The following SEL1L2 variants were observed in gnomAD, a reference collection of about 807,000 sequenced individuals.
The protein encoded by SEL1L2 is SEL1L2 adaptor subunit of SYVN1 ubiquitin ligase.
A neutral mutation model predicts 98.8 loss-of-function variants in SEL1L2; 89 were observed. That is an observed-to-expected ratio of 0.90 (90% CI 0.76 to 1.07). The LOEUF is 1.07. SEL1L2 is among the 50% of genes least tolerant of loss of function. The pLI is 0.00. For synonymous variants in SEL1L2, 262 were observed against 278.5 expected (o/e 0.94, Z 0.59); for missense variants, 788 against 812.0 (o/e 0.97, Z 0.36).
intron 3 of SEL1L2, among the ~76,000 whole-genome samples, chr20:13,925,092 T>C (rs1405581176): frequency 1.3e-5 from 2 of 152,054 alleles, no homozygotes; most frequent in Non-Finnish European, 2.9e-5. Context: ...TGAGCAGAGA[T>C]TGCACCACTG....
chr20:13,985,312 T>C (rs976569732), intron 1 of SEL1L2, among the ~76,000 whole-genome samples: 2 of 152,204 alleles, frequency 1.3e-5, no homozygotes, highest in Non-Finnish European at 1.5e-5. Context: ...CACAGCAAAC[T>C]GATACACTTA....
chr20:13,927,751 G>A (rs541404844), intron 3 of SEL1L2, among the ~76,000 whole-genome samples: 1 of 152,286 alleles, frequency 6.6e-6, no homozygotes, highest in South Asian at 2.1e-4. Flanking sequence ...TGAGAATAGA[G>A]TTCAATAAGG....
intron 5 of SEL1L2, among the ~76,000 whole-genome samples, chr20:13,903,861 C>T (rs1022728902): frequency 1.3e-5 from 2 of 152,108 alleles, no homozygotes; most frequent in Admixed American, 6.5e-5. Flanking sequence ...AGGAGAATCC[C>T]GTCGAGTATT....
rs550585234 is a variant in SEL1L2, at chr20:13,879,456, A to T, written c.958-1868T>A. 2.6e-5 allele frequency among the ~76,000 whole-genome samples: 4 copies of T among 152,110 alleles called. No individual in the cohort carries two copies. The East Asian group carries it at 7.7e-4, about 29-fold the overall frequency. ...AACCTCCACCTCCTGGGTTCAAGCG[A>T]TTCTCCTGCCTCGGCTTCCTGAGTA... On this transcript the variant is annotated intron_variant, in intron 10 of 19. Coordinates refer to ENST00000284951, the MANE Select transcript of SEL1L2 (RefSeq NM_025229.2).
At chr20:13,978,481 C>T (rs1048519130) in intron 1 of SEL1L2, among the ~76,000 whole-genome samples, 1 of 152,088 alleles carries the variant, frequency 6.6e-6, no homozygotes, top group African/African-American at 2.4e-5. Flanking sequence ...TAAATTGGTA[C>T]AGCCATTATG....
chr20:13,957,801 C>CG (rs1329942289), intron 1 of SEL1L2, among the ~76,000 whole-genome samples: 5 of 151,990 alleles, frequency 3.3e-5, no homozygotes, highest in Non-Finnish European at 2.9e-5. Flanking sequence ...TCATTGAGCC[C>CG]GGGAAATCAA....
At chr20:13,983,116 C>T (rs758389996) in intron 1 of SEL1L2, among the ~76,000 whole-genome samples, 7 of 147,508 alleles carry the variant, frequency 4.7e-5, no homozygotes, top group Middle Eastern at 3.5e-3. Context: ...ATTAGTTTTC[C>T]TTCCATTTTT....
chr20:13,896,129 C>G (rs577602724), intron 5 of SEL1L2, among the ~76,000 whole-genome samples: 1 of 152,098 alleles, frequency 6.6e-6, no homozygotes, highest in Non-Finnish European at 1.5e-5. Flanking sequence ...AAGCTGAGAT[C>G]GTGCCACGGC....
At chr20:13,972,869 G>T (rs193116028) in intron 1 of SEL1L2, among the ~76,000 whole-genome samples, 1 of 152,046 alleles carries the variant, frequency 6.6e-6, no homozygotes, top group African/African-American at 2.4e-5. Flanking sequence ...TTCTATGAGC[G>T]GGTCTTTTCC....
chr20:13,881,837 G>A (rs1232642463), intron 10 of SEL1L2, among the ~76,000 whole-genome samples: 1 of 152,166 alleles, frequency 6.6e-6, no homozygotes, highest in African/African-American at 2.4e-5. Flanking sequence ...ATATTAGCAT[G>A]CTGGCTCAAG....
At chr20:13,909,378 C>G (rs1249668924) in intron 5 of SEL1L2, among the ~76,000 whole-genome samples, 1 of 152,186 alleles carries the variant, frequency 6.6e-6, no homozygotes. Flanking sequence ...GTTCTTTGCA[C>G]AAGGAAATAC....
intron 11 of SEL1L2, among the ~76,000 whole-genome samples, chr20:13,876,406 CTTTTTTTTTT>C (rs11087067): frequency 1.9e-4 from 19 of 101,930 alleles, no homozygotes; most frequent in East Asian, 2.8e-4. Context: ...CTCTCTCTCT[CTTTTTTTTTT>C]TTTTTTTTTT....
chr20:13,971,311 C>A (rs1467792499), intron 1 of SEL1L2, among the ~76,000 whole-genome samples: 1 of 152,124 alleles, frequency 6.6e-6, no homozygotes, highest in Non-Finnish European at 1.5e-5. Context: ...CACTTATAAC[C>A]TTTTTGTTTG....
chr20:13,935,774 C>G (rs1005815377), intron 2 of SEL1L2, among the ~76,000 whole-genome samples: 3 of 152,062 alleles, frequency 2.0e-5, no homozygotes, highest in Admixed American at 6.6e-5. Context: ...TCAGAAGTAT[C>G]ATTCTGGCTC....
intron 5 of SEL1L2, among the ~76,000 whole-genome samples, chr20:13,901,032 G>A (rs899182233): frequency 1.3e-5 from 2 of 149,386 alleles, no homozygotes; most frequent in Admixed American, 6.6e-5. Flanking sequence ...TTTTGCTAGA[G>A]TTAATTTTTT....
chr20:13,983,768 G>A (rs537722928), intron 1 of SEL1L2, among the ~76,000 whole-genome samples: 19 of 152,090 alleles, frequency 1.2e-4, no homozygotes, highest in African/African-American at 4.1e-4. Flanking sequence ...TGATCTGCCC[G>A]CCTGGACCTC....
intron 19 of SEL1L2, 157 bp downstream of exon 19, chr20:13,850,034 C>T: frequency 1.4e-6 from 1 of 731,346 alleles, no homozygotes; most frequent in Non-Finnish European, 2.2e-6. Flanking sequence ...ATAGAACATG[C>T]AGAATTACTC....
intron 4 of SEL1L2, among the ~76,000 whole-genome samples, chr20:13,917,075 T>C (rs945350663): frequency 1.3e-5 from 2 of 152,096 alleles, no homozygotes; most frequent in African/African-American, 2.4e-5. Context: ...TCCCTGGACT[T>C]GATGTAACAC....
At chr20:13,888,635 CTT>C (rs71188192) in intron 5 of SEL1L2, 123 bp from the exon 6 acceptor site, 2,380 of 204,658 alleles carry the variant, frequency 0.012, no homozygotes, top group Non-Finnish European at 0.014. Context: ...CTTTCTTTCT[CTT>C]TTTTTTTTTT....
Sources: allele counts gnomAD v4.1 joint callset (sites outside exome capture counted in the v4.1 genomes callset), GRCh38; gene constraint gnomAD v4.1.1; transcripts MANE v1.5; gene names NCBI Gene and HGNC (gene_info 2026-07-23, HGNC 2026-07-21).